GRM8: variants seen among roughly 807,000 people sequenced by gnomAD.
GRM8 encodes glutamate metabotropic receptor 8, also known as metabotropic glutamate receptor 8.
In GRM8, 47 loss-of-function variants were observed where a neutral mutation model predicts 87.2. The ratio of observed to expected loss-of-function variants is 0.54; its 90% CI spans 0.43 to 0.69. GRM8 has a LOEUF of 0.69. GRM8 is among the 30% of genes least tolerant of loss of function. The pLI, the probability that GRM8 is intolerant of heterozygous loss-of-function variation, is 0.00. For synonymous variants in GRM8, 396 were observed against 404.5 expected (o/e 0.98, Z 0.25); for missense variants, 1,019 against 1,139.2 (o/e 0.89, Z 1.52).
chr7:126,785,312 C>G lies in GRM8; in HGVS notation c.1157-15247G>C, dbSNP rs187736805. ...CTTTCGGTCAAGCTCTTTAGAAGAG[C>G]CTTTATGCTTCTACTTCCTTATTGC... On this transcript the variant is annotated intron_variant, in intron 6 of 10. Transcript: ENST00000339582. Among the ~76,000 whole-genome samples the G allele has an allele frequency of 7.2e-4, 109 of 152,196 alleles. 1 individual carries two copies. The highest frequency in any genetic ancestry group is 2.3e-3 in the African/African-American group (95 of 41,540).
At chr7:126,581,525 C>T (rs1171613042) in intron 8 of GRM8, among the ~76,000 whole-genome samples, 1 of 152,044 alleles carries the variant, frequency 6.6e-6, no homozygotes, top group Admixed American at 6.6e-5. Flanking sequence ...AGAATTGAGA[C>T]GTGATCACTA....
intron 3 of GRM8, among the ~76,000 whole-genome samples, chr7:127,068,006 A>G (rs1821305437): frequency 6.6e-6 from 1 of 152,204 alleles, no homozygotes; most frequent in Admixed American, 6.5e-5. Context: ...CCTTTAGACC[A>G]GTGAAAGCAC....
intron 7 of GRM8, among the ~76,000 whole-genome samples, chr7:126,694,120 A>G (rs1480437467): frequency 6.6e-6 from 1 of 151,796 alleles, no homozygotes; most frequent in East Asian, 1.9e-4. Context: ...AACTATATAT[A>G]GTTATATTTA....
intron 7 of GRM8, among the ~76,000 whole-genome samples, chr7:126,700,647 A>G (rs141999698): frequency 8.9e-4 from 136 of 152,262 alleles, no homozygotes; most frequent in African/African-American, 3.1e-3. Flanking sequence ...TCCAGTCCCA[A>G]TTTAGTTCAC....
intron 6 of GRM8, among the ~76,000 whole-genome samples, chr7:126,819,275 T>TACACACACACAC (rs3038867): frequency 0.039 from 5,734 of 148,282 alleles, 261 homozygotes; most frequent in African/African-American, 0.1. Context: ...CAGACACACA[T>TACACACACACAC]ACACACACAC....
At chr7:126,758,922 G>C (rs1485794898) in intron 7 of GRM8, among the ~76,000 whole-genome samples, 1 of 151,528 alleles carries the variant, frequency 6.6e-6, no homozygotes, top group African/African-American at 2.4e-5. Flanking sequence ...TTTTGAGACA[G>C]AGTCTCCCTC....
intron 9 of GRM8, among the ~76,000 whole-genome samples, chr7:126,526,734 A>AAAAAAC (rs1813903222): frequency 6.6e-6 from 1 of 152,158 alleles, no homozygotes; most frequent in Admixed American, 6.5e-5. Context: ...GCACAATCAG[A>AAAAAAC]AAAAACAAAA....
At chr7:126,866,907 T>C (rs758213539) in intron 6 of GRM8, among the ~76,000 whole-genome samples, 3 of 152,058 alleles carry the variant, frequency 2.0e-5, no homozygotes, top group African/African-American at 4.8e-5. Flanking sequence ...AATTTTTATA[T>C]GGTTTGAACA....
chr7:126,518,998 A>G (rs572086798), intron 9 of GRM8, among the ~76,000 whole-genome samples: 1 of 152,192 alleles, frequency 6.6e-6, no homozygotes, highest in Admixed American at 6.6e-5. Context: ...ACTTTAACTC[A>G]CTTTTTAGAA....
At chr7:126,836,086 GAA>G (rs949237281) in intron 6 of GRM8, among the ~76,000 whole-genome samples, 1 of 151,476 alleles carries the variant, frequency 6.6e-6, no homozygotes, top group Non-Finnish European at 1.5e-5. Context: ...TTAACATAAG[GAA>G]AAAAAATCTC....
intron 3 of GRM8, among the ~76,000 whole-genome samples, chr7:127,072,595 C>T (rs190881312): frequency 1.3e-5 from 2 of 151,640 alleles, no homozygotes; most frequent in African/African-American, 4.8e-5. Flanking sequence ...TGTTTGTTGC[C>T]CATCCTGCCA....
intron 10 of GRM8, among the ~76,000 whole-genome samples, chr7:126,440,738 A>G (rs1801376713): frequency 6.6e-6 from 1 of 152,016 alleles, no homozygotes; most frequent in African/African-American, 2.4e-5. Context: ...AGGCTATACC[A>G]TTTGGTTTGT....
intron 6 of GRM8, among the ~76,000 whole-genome samples, chr7:126,881,096 A>T: frequency 6.6e-6 from 1 of 152,346 alleles, no homozygotes; most frequent in Non-Finnish European, 1.5e-5. Context: ...ATATATTTTC[A>T]TATGGCCTCT....
At chr7:126,750,347 A>C (rs1191040592) in intron 7 of GRM8, among the ~76,000 whole-genome samples, 1 of 152,128 alleles carries the variant, frequency 6.6e-6, no homozygotes, top group African/African-American at 2.4e-5. Flanking sequence ...GAGACAGGAG[A>C]GAACACTTGA....
At chr7:127,054,251 A>G (rs541671577) in intron 3 of GRM8, among the ~76,000 whole-genome samples, 1 of 152,158 alleles carries the variant, frequency 6.6e-6, no homozygotes, top group Admixed American at 6.5e-5. Context: ...CTGCTGATTA[A>G]AAAACTAACT....
chr7:126,617,853 A>G (rs537645692), intron 7 of GRM8, among the ~76,000 whole-genome samples: 1 of 152,322 alleles, frequency 6.6e-6, no homozygotes, highest in Admixed American at 6.5e-5. Flanking sequence ...GAGAACTACA[A>G]ACCACTGCTC....
chr7:126,743,312 C>A (rs1293182491), intron 7 of GRM8, among the ~76,000 whole-genome samples: 1 of 151,968 alleles, frequency 6.6e-6, no homozygotes, highest in Non-Finnish European at 1.5e-5. Context: ...CCAGTAAAAT[C>A]CCCACCACTC....
At chr7:126,596,390 G>C (rs143419949) in intron 8 of GRM8, among the ~76,000 whole-genome samples, 1 of 152,066 alleles carries the variant, frequency 6.6e-6, no homozygotes, top group South Asian at 2.1e-4. Context: ...GTTTTGATCT[G>C]CATTTCTCTA....
intron 3 of GRM8, among the ~76,000 whole-genome samples, chr7:126,974,803 G>T (rs10280391): frequency 0.051 from 7,814 of 152,094 alleles, 419 homozygotes; most frequent in African/African-American, 0.14. Flanking sequence ...AGTCATGGTG[G>T]CAGGCACCTG....
Sources: allele counts gnomAD v4.1 joint callset (sites outside exome capture counted in the v4.1 genomes callset), GRCh38; gene constraint gnomAD v4.1.1; transcripts MANE v1.5; gene names NCBI Gene and HGNC (gene_info 2026-07-23, HGNC 2026-07-21).